Variants in KIRREL3 observed in about 807,000 individuals in gnomAD.
KIRREL3 encodes kirre like nephrin family adhesion molecule 3.
KIRREL3 carries 36 observed loss-of-function variants against 89.7 expected under a neutral mutation model. The ratio of observed to expected loss-of-function variants is 0.40; its 90% CI spans 0.31 to 0.53. The LOEUF (loss-of-function observed/expected upper bound fraction) is 0.53, where lower values mean the gene tolerates loss of function less well. Among genes scored for constraint, KIRREL3 ranks in the 20% least tolerant of loss-of-function variants. KIRREL3 has a pLI of 0.49. For synonymous variants in KIRREL3, 445 were observed against 441.4 expected, an observed-to-expected ratio of 1.01 and a Z score of -0.10; for missense variants, 864 against 1,056.6, an observed-to-expected ratio of 0.82 and a Z score of 2.53.
At position 126,788,255 on chromosome 11, in the gene KIRREL3, G is replaced by A. The variant is rs183828082; in HGVS notation, c.55+212200C>T. Among the ~76,000 whole-genome samples, 93 of 152,318 alleles carry A rather than the reference G, an allele frequency of 6.1e-4. 1 individual carries two copies. Among genetic ancestry groups the A allele is most frequent in the Non-Finnish European group, 2.9e-4 (20 of 68,024 alleles). On this transcript the variant is annotated intron_variant, in intron 1 of 16. Coordinates refer to ENST00000525144, the MANE Select transcript of KIRREL3 (RefSeq NM_032531.4). This position sits in a 1 kb window ranked among gnomAD's most constrained non-coding sequence, Gnocchi z 4.1. Reference sequence around the variant, plus strand: ...ATTCCTATGGACGTTGCCTCCCAGGGCTGCTCTCCAAGCCCCAATTCTTTT... The same window carrying A: ...ATTCCTATGGACGTTGCCTCCCAGGACTGCTCTCCAAGCCCCAATTCTTTT...
chr11:126,518,699 C>T (rs750358943), intron 4 of KIRREL3, among the ~76,000 whole-genome samples: 2 of 152,228 alleles, frequency 1.3e-5, no homozygotes, highest in East Asian at 1.9e-4. Context: ...ATACCTCTCT[C>T]CCATCTGTGG....
intron 1 of KIRREL3, among the ~76,000 whole-genome samples, chr11:126,859,968 C>T (rs1258776174): frequency 6.6e-6 from 1 of 152,196 alleles, no homozygotes; most frequent in Non-Finnish European, 1.5e-5. Context: ...GAATTGTCTT[C>T]ATCATTTACT....
chr11:126,922,845 T>C (rs1947408848), intron 1 of KIRREL3, among the ~76,000 whole-genome samples: 1 of 152,204 alleles, frequency 6.6e-6, no homozygotes. Flanking sequence ...GACTCATTTC[T>C]TACCCACTCT....
At chr11:126,593,718 G>A (rs941445845) in intron 1 of KIRREL3, among the ~76,000 whole-genome samples, 11 of 152,186 alleles carry the variant, frequency 7.2e-5, no homozygotes, top group South Asian at 2.1e-4. Context: ...CTGAGTGAAC[G>A]TGCATATAAG....
chr11:126,837,782 A>G lies in KIRREL3; in HGVS notation c.55+162673T>C, dbSNP rs113552160. ...AGCATAACACTACCTCTCACAATGGAAGCTTTGTTTATTTCACATGGGACA... is the reference window on the plus strand; with the variant it reads ...AGCATAACACTACCTCTCACAATGGGAGCTTTGTTTATTTCACATGGGACA... On this transcript the variant is annotated intron_variant, in intron 1 of 16. Transcript: ENST00000525144. The surrounding 1 kb of genome is among the most constrained non-coding windows in gnomAD (Gnocchi z 4.7). Among the ~76,000 whole-genome samples, 2,044 of 152,310 alleles carry G rather than the reference A, an allele frequency of 0.013. 49 individuals are homozygous for G. Among genetic ancestry groups the G allele is most frequent in the African/African-American group, 0.047 (1,945 of 41,552 alleles).
At position 126,805,919 on chromosome 11, in the gene KIRREL3, C is replaced by T. The variant is rs753289194; in HGVS notation, c.55+194536G>A. Among the ~76,000 whole-genome samples the T allele has an allele frequency of 1.7e-4, 26 of 152,160 alleles. No individual in the cohort carries two copies. The highest frequency in any genetic ancestry group is 4.1e-4 in the African/African-American group (17 of 41,432). ...GCCGTGCCATCCCCTCCACCTTCTC[C>T]GTGCGGCCTCTCCCTTGGCTGTCCT... On this transcript the variant is annotated intron_variant, in intron 1 of 16. Transcript: ENST00000525144. This position sits in a 1 kb window ranked among gnomAD's most constrained non-coding sequence, Gnocchi z 4.3.
In KIRREL3 at chr11:126,485,111, G is replaced by A. The variant is rs574023425; in HGVS notation, c.434-11645C>T. 7.9e-5 allele frequency among the ~76,000 whole-genome samples: 12 copies of A among 152,186 alleles called. No individual in the cohort carries two copies. In the East Asian group the frequency reaches 2.3e-3, roughly 29 times the overall value. Reference sequence around the variant, plus strand: ...TGGGATTACAGCTGTGAGCCACTGCGCCCGGCCACAAGTGGGATTGTTAAA... The same window carrying A: ...TGGGATTACAGCTGTGAGCCACTGCACCCGGCCACAAGTGGGATTGTTAAA... On this transcript the variant is annotated intron_variant, in intron 4 of 16. Transcript: ENST00000525144. This position sits in a 1 kb window ranked among gnomAD's most constrained non-coding sequence, Gnocchi z 5.8.
Position 126,969,710 on chromosome 11 carries a change from G to A in KIRREL3, c.55+30745C>T, listed in dbSNP as rs748282757. ...CTTTTCCACGCCCTTGATGACACAG[G>A]CTTATTTGAATAATTTTGCAGTGGG... On this transcript the variant is annotated intron_variant, in intron 1 of 16. Transcript: ENST00000525144. This position sits in a 1 kb window ranked among gnomAD's most constrained non-coding sequence, Gnocchi z 4.9. 6.6e-6 allele frequency among the ~76,000 whole-genome samples: 1 copy of A among 152,124 alleles called. No individual in the cohort carries two copies. The highest frequency in any genetic ancestry group is 6.5e-5 in the Admixed American group (1 of 15,268).
chr11:126,727,966 C>G (rs897944119), intron 1 of KIRREL3, among the ~76,000 whole-genome samples: 7 of 152,046 alleles, frequency 4.6e-5, no homozygotes, highest in African/African-American at 1.7e-4. Context: ...GTAGGGCTGT[C>G]TCGGGGGTGA....
rs1042076522 is a variant in KIRREL3, at chr11:126,918,198, G to A, written c.55+82257C>T. ...CAAAAGAAATGTTCATTGCCTACTCGCTCATCATGGTGCTTCCCTCCCATG... is the reference window on the plus strand; with the variant it reads ...CAAAAGAAATGTTCATTGCCTACTCACTCATCATGGTGCTTCCCTCCCATG... On this transcript the variant is annotated intron_variant, in intron 1 of 16. Transcript: ENST00000525144. The surrounding 1 kb of genome is among the most constrained non-coding windows in gnomAD (Gnocchi z 6.5). Among the ~76,000 whole-genome samples, 31 of 152,188 alleles carry A rather than the reference G, an allele frequency of 2.0e-4. No individual in the cohort carries two copies. Among genetic ancestry groups the A allele is most frequent in the Non-Finnish European group, 3.7e-4 (25 of 68,042 alleles).
At chr11:126,861,197 T>A (rs1944692747) in intron 1 of KIRREL3, among the ~76,000 whole-genome samples, 1 of 152,134 alleles carries the variant, frequency 6.6e-6, no homozygotes, top group Admixed American at 6.5e-5. Context: ...TTTCTGGGAA[T>A]GTAACATTTA....
intron 1 of KIRREL3, among the ~76,000 whole-genome samples, chr11:126,910,470 G>T (rs538770536): frequency 6.6e-6 from 1 of 152,288 alleles, no homozygotes; most frequent in African/African-American, 2.4e-5. Context: ...TGAGGACAAA[G>T]GTCAGACTCA....
chr11:126,786,902 G>T (rs1418741741), intron 1 of KIRREL3, among the ~76,000 whole-genome samples: 1 of 152,216 alleles, frequency 6.6e-6, no homozygotes, highest in African/African-American at 2.4e-5. Context: ...TGCAGGAAGG[G>T]AGGACAGGGC....
chr11:126,701,233 G>A (rs1406250337), intron 1 of KIRREL3, among the ~76,000 whole-genome samples: 4 of 152,206 alleles, frequency 2.6e-5, no homozygotes, highest in African/African-American at 7.2e-5. Flanking sequence ...GCATGTGTGT[G>A]ACACCCCTTC....
At chr11:126,461,156 C>T (rs1381653101) in intron 6 of KIRREL3, among the ~76,000 whole-genome samples, 3 of 152,238 alleles carry the variant, frequency 2.0e-5, no homozygotes, top group Non-Finnish European at 4.4e-5. Context: ...GGTGATGTGA[C>T]AGGCGTAGGC....
chr11:126,600,762 C>A (rs1942616913), intron 1 of KIRREL3, among the ~76,000 whole-genome samples: 1 of 152,200 alleles, frequency 6.6e-6, no homozygotes, highest in Non-Finnish European at 1.5e-5. Context: ...CCAAAGTATT[C>A]AAGGAAGGGC....
chr11:126,849,548 T>C (rs1380597998), intron 1 of KIRREL3, among the ~76,000 whole-genome samples: 2 of 152,132 alleles, frequency 1.3e-5, no homozygotes, highest in Non-Finnish European at 2.9e-5. Flanking sequence ...AGGAATGGGG[T>C]CCCGATGGCC....
intron 2 of KIRREL3, among the ~76,000 whole-genome samples, chr11:126,532,607 C>T (rs1023028064): frequency 1.6e-4 from 25 of 152,128 alleles, no homozygotes; most frequent in Non-Finnish European, 3.5e-4. Flanking sequence ...AACTCCTGAC[C>T]TCAAGTGATC....
At chr11:126,928,160 C>G (rs1188502558) in intron 1 of KIRREL3, among the ~76,000 whole-genome samples, 1 of 152,190 alleles carries the variant, frequency 6.6e-6, no homozygotes, top group Non-Finnish European at 1.5e-5. Flanking sequence ...AAGAGAGATT[C>G]ACTCTGCATA....
Sources: gnomAD v4.1 joint callset for allele counts (sites outside exome capture counted in the v4.1 genomes callset) on GRCh38, gnomAD v4.1.1 for gene constraint, Gnocchi (gnomAD v3.1) non-coding constraint, MANE v1.5 for transcripts, NCBI Gene and HGNC (gene_info 2026-07-23, HGNC 2026-07-21) for gene names.